The following IER3IP1 variants were observed in gnomAD, a reference collection of about 807,000 sequenced individuals.
IER3IP1 encodes immediate early response 3-interacting protein 1.
IER3IP1 carries 16 observed loss-of-function variants against 12.2 expected under a neutral mutation model. The observed-to-expected ratio is 1.31, with a 90% confidence interval of 0.89 to 1.99. The LOEUF (loss-of-function observed/expected upper bound fraction) is 1.99, where lower values mean the gene tolerates loss of function less well. Among genes scored for constraint, IER3IP1 ranks in the 30% most tolerant of loss-of-function variants. The pLI, the probability that IER3IP1 is intolerant of heterozygous loss-of-function variation, is 0.00. For missense variants in IER3IP1, 95 were observed against 95.8 expected, an observed-to-expected ratio of 0.99 and a Z score of 0.03; for synonymous variants, 42 against 40.0, an observed-to-expected ratio of 1.05 and a Z score of -0.19.
At chr18:47,170,560 ATCT>A (rs1198993723) in intron 1 of IER3IP1, among the ~76,000 whole-genome samples, 3 of 152,074 alleles carry the variant, frequency 2.0e-5, no homozygotes, top group African/African-American at 7.2e-5. Flanking sequence ...AAGATCTTTA[ATCT>A]TCTTTCTTTC....
intron 1 of IER3IP1, among the ~76,000 whole-genome samples, chr18:47,170,750 T>C (rs1484795432): frequency 6.6e-6 from 1 of 152,122 alleles, no homozygotes; most frequent in African/African-American, 2.4e-5. Context: ...GCAATCTTAT[T>C]AAACTCATTC....
At chr18:47,162,744 G>A (rs2063983727) in intron 1 of IER3IP1, among the ~76,000 whole-genome samples, 1 of 152,164 alleles carries the variant, frequency 6.6e-6, no homozygotes, top group Non-Finnish European at 1.5e-5. Context: ...CGAAGGACAT[G>A]AGCCTTTTTA....
At chr18:47,169,790 A>G (rs2064009375) in intron 1 of IER3IP1, among the ~76,000 whole-genome samples, 1 of 152,022 alleles carries the variant, frequency 6.6e-6, no homozygotes, top group African/African-American at 2.4e-5. Context: ...AAATGTTTTA[A>G]TTGAGTTATT....
At chr18:47,161,069 C>T (rs1460252837) in intron 1 of IER3IP1, among the ~76,000 whole-genome samples, 1 of 152,188 alleles carries the variant, frequency 6.6e-6, no homozygotes, top group African/African-American at 2.4e-5. Flanking sequence ...TTTTTCCTAT[C>T]TCATATGACT....
chr18:47,163,673 G>A (rs1463310986), intron 1 of IER3IP1, among the ~76,000 whole-genome samples: 3 of 152,138 alleles, frequency 2.0e-5, no homozygotes, highest in African/African-American at 7.2e-5. Flanking sequence ...TCAGGTCGAG[G>A]AGGAATGAGG....
At chr18:47,163,364 G>A (rs1187365163) in intron 1 of IER3IP1, among the ~76,000 whole-genome samples, 1 of 152,136 alleles carries the variant, frequency 6.6e-6, no homozygotes, top group Non-Finnish European at 1.5e-5. Context: ...CGGAGATGCT[G>A]GACAAATGAG....
At chr18:47,175,672 A>G (rs922972665) in intron 1 of IER3IP1, among the ~76,000 whole-genome samples, 3 of 152,036 alleles carry the variant, frequency 2.0e-5, no homozygotes, top group African/African-American at 7.2e-5. Flanking sequence ...CATGTTGGCC[A>G]GGCTGGTCCC....
intron 1 of IER3IP1, among the ~76,000 whole-genome samples, chr18:47,163,665 A>G (rs1292201588): frequency 6.6e-6 from 1 of 152,224 alleles, no homozygotes; most frequent in Non-Finnish European, 1.5e-5. Context: ...AATGGGGCTC[A>G]GGTCGAGGAG....
chr18:47,157,315 C>G, intron 2 of IER3IP1, 121 bp downstream of exon 2: 1 of 762,722 alleles, frequency 1.3e-6, no homozygotes, highest in Non-Finnish European at 2.2e-6. Context: ...GCAGCAAAGC[C>G]ATGTTAAAGA....
rs1268234279 is a variant in IER3IP1 at position 47,160,064 on chromosome 18, G to A, written c.92-2527C>T. 3.9e-5 allele frequency among the ~76,000 whole-genome samples: 6 copies of A among 152,194 alleles called. No individual in the cohort carries two copies. In the East Asian group the frequency reaches 9.7e-4, roughly 25 times the overall value. On this transcript the variant is annotated intron_variant, in intron 1 of 2. Coordinates refer to ENST00000256433, the MANE Select transcript of IER3IP1 (RefSeq NM_016097.5). ...TACAAAATTAGCTGGGCATGGTGGC[G>A]CATGCCTGTAATCCCAGATACTCAG...
intron 1 of IER3IP1, among the ~76,000 whole-genome samples, chr18:47,159,917 C>T (rs571023045): frequency 2.2e-4 from 34 of 151,898 alleles, no homozygotes; most frequent in Middle Eastern, 6.8e-3. Context: ...CATCCTTGGC[C>T]GGGCGCGGTG....
intron 1 of IER3IP1, among the ~76,000 whole-genome samples, chr18:47,174,015 G>C (rs774892419): frequency 7.5e-4 from 114 of 152,282 alleles, no homozygotes; most frequent in Non-Finnish European, 1.5e-3. Flanking sequence ...ATCTTAACTT[G>C]ATTATATCTG....
chr18:47,175,899 C>A (rs1393711713), intron 1 of IER3IP1, among the ~76,000 whole-genome samples: 1 of 152,024 alleles, frequency 6.6e-6, no homozygotes, highest in Non-Finnish European at 1.5e-5. Context: ...TCACAGAAAA[C>A]TGAATTAAAT....
At chr18:47,163,628 G>A (rs1418644102) in intron 1 of IER3IP1, among the ~76,000 whole-genome samples, 1 of 152,140 alleles carries the variant, frequency 6.6e-6, no homozygotes, top group East Asian at 1.9e-4. Context: ...CCCTTCCATA[G>A]CATAAGTCAA....
chr18:47,172,697 C>A lies in IER3IP1; in HGVS notation c.91+3490G>T, dbSNP rs1251211719. 6.6e-6 allele frequency among the ~76,000 whole-genome samples: 1 copy of A among 152,180 alleles called. No homozygotes were observed. Among genetic ancestry groups the A allele is most frequent in the Non-Finnish European group, 1.5e-5 (1 of 68,030 alleles). The stretch of plus-strand genomic sequence containing the variant: ...AATTTAAAACATGAATTGCTTATTT[C>A]TGCAATTTTCCAATTAGTACTTTCA... On this transcript the variant is annotated intron_variant, in intron 1 of 2. Transcript: ENST00000256433. The surrounding 1 kb of genome is among the most constrained non-coding windows in gnomAD (Gnocchi z 4.0).
Position 47,153,278 on chromosome 18 carries a change from T to A in IER3IP1, c.*2899A>T, listed in dbSNP as rs1272623962. ...GTGGTTTCTGGTTACATGGATGAAT[T>A]GTATAGTGGTGTAAAGTCTGAAATT... is the stretch of plus-strand genomic sequence containing the variant. On this transcript the variant is annotated 3_prime_UTR_variant, in exon 3 of 3. Coordinates refer to ENST00000256433, the MANE Select transcript of IER3IP1 (RefSeq NM_016097.5). The A allele has an allele frequency of 6.6e-6, 1 of 152,240 alleles. No individual in the cohort carries two copies. The highest frequency in any genetic ancestry group is 1.9e-4 in the East Asian group (1 of 5,202). 9.4% of individuals were successfully genotyped at this position (152,240 alleles called of 1,614,324 possible).
chr18:47,159,772 CTTTT>C (rs1019762972), intron 1 of IER3IP1, among the ~76,000 whole-genome samples: 3 of 148,952 alleles, frequency 2.0e-5, no homozygotes, highest in African/African-American at 7.4e-5. Context: ...TGAATAGCTG[CTTTT>C]TTTTTTCTTT....
intron 1 of IER3IP1, among the ~76,000 whole-genome samples, chr18:47,174,667 T>A (rs1389484494): frequency 3.5e-5 from 5 of 141,076 alleles, no homozygotes; most frequent in Admixed American, 3.5e-4. Flanking sequence ...AGACTCCGTC[T>A]CAAAAAAAAA....
At chr18:47,156,902 ATCC>A (rs1487145235) in intron 2 of IER3IP1, 1 of 150,060 alleles carries the variant, frequency 6.7e-6, no homozygotes, top group African/African-American at 2.6e-5. Flanking sequence ...GGTTCAAGCC[ATCC>A]TCCTGCCTCA....
Sources: gnomAD v4.1 joint callset for allele counts (sites outside exome capture counted in the v4.1 genomes callset) on GRCh38, gnomAD v4.1.1 for gene constraint, Gnocchi (gnomAD v3.1) non-coding constraint, MANE v1.5 for transcripts, NCBI Gene and HGNC (gene_info 2026-07-23, HGNC 2026-07-21) for gene names.